ACCSL: variants seen among roughly 807,000 people sequenced by gnomAD.
ACCSL encodes probable inactive 1-aminocyclopropane-1-carboxylate synthase-like protein 2.
A neutral mutation model predicts 61.7 loss-of-function variants in ACCSL; 55 were observed. The ratio of observed to expected loss-of-function variants is 0.89; its 90% CI spans 0.72 to 1.12. The LOEUF is 1.12. Ranked by LOEUF, ACCSL falls within the 50% of genes most tolerant of loss-of-function variation. ACCSL has a pLI of 0.00. For missense variants in ACCSL, 632 were observed against 698.0 expected (o/e 0.91, Z 1.07); for synonymous variants, 258 against 264.3 (o/e 0.98, Z 0.23).
chr11:43,930,065 G>A, the ACCSL span, among the ~76,000 whole-genome samples: 1 of 152,212 alleles, frequency 6.6e-6, no homozygotes, highest in South Asian at 2.1e-4. Context: ...AGCCCTGAGA[G>A]GAAGGCACTC....
At chr11:44,030,551 A>G in the ACCSL span, among the ~76,000 whole-genome samples, 1 of 145,966 alleles carries the variant, frequency 6.9e-6, no homozygotes, top group Non-Finnish European at 1.5e-5. Context: ...TCATGGGGAA[A>G]GAATCCAGGG....
At chr11:44,005,155 G>A in the ACCSL span, among the ~76,000 whole-genome samples, 1 of 151,408 alleles carries the variant, frequency 6.6e-6, no homozygotes, top group Non-Finnish European at 1.5e-5. Context: ...AGGGGTGAGG[G>A]GAACTGTTTC....
At chr11:43,955,763 T>C in the ACCSL span, among the ~76,000 whole-genome samples, 2 of 152,046 alleles carry the variant, frequency 1.3e-5, no homozygotes, top group Non-Finnish European at 2.9e-5. Context: ...TTGCAAATCT[T>C]GTTACCTCTG....
At chr11:44,047,862 C>T, upstream of ACCSL, 1 of 792,286 alleles carries the variant, frequency 1.3e-6, no homozygotes, top group African/African-American at 1.7e-5. Flanking sequence ...CTTCATGAAC[C>T]AATCTGGTCA....
chr11:43,951,018 C>G, the ACCSL span, among the ~76,000 whole-genome samples: 1 of 152,186 alleles, frequency 6.6e-6, no homozygotes, highest in Non-Finnish European at 1.5e-5. Context: ...GTTGAAGACC[C>G]TTGTTATCCC....
At chr11:44,042,137 A>G in the ACCSL span, among the ~76,000 whole-genome samples, 1 of 152,204 alleles carries the variant, frequency 6.6e-6, no homozygotes, top group East Asian at 1.9e-4. Context: ...ATTCATCCAT[A>G]GTTCATTAAA....
At chr11:44,054,773 T>TA (rs955699298) in intron 8 of ACCSL, among the ~76,000 whole-genome samples, 1 of 152,056 alleles carries the variant, frequency 6.6e-6, no homozygotes, top group African/African-American at 2.4e-5. Context: ...TTTCTTCATC[T>TA]AAAATGGAGA....
the ACCSL span, among the ~76,000 whole-genome samples, chr11:43,921,366 C>CA: frequency 3.0e-4 from 45 of 152,206 alleles, no homozygotes; most frequent in African/African-American, 1.0e-3. Context: ...TTTTAAAAAA[C>CA]AAAAAACAAA....
the ACCSL span, chr11:43,933,295 A>T: frequency 3.5e-5 from 14 of 394,742 alleles, no homozygotes; most frequent in Non-Finnish European, 7.1e-5. Flanking sequence ...CCCTGTCCAC[A>T]TATGAGGGAG....
At chr11:43,931,925 C>T in the ACCSL span, among the ~76,000 whole-genome samples, 1 of 148,882 alleles carries the variant, frequency 6.7e-6, no homozygotes, top group African/African-American at 2.4e-5. Flanking sequence ...GTGCAGAGCC[C>T]AGTGCAGCAG....
At chr11:43,942,032 G>T in the ACCSL span, among the ~76,000 whole-genome samples, 2 of 18,980 alleles carry the variant, frequency 1.1e-4, no homozygotes, top group African/African-American at 3.3e-4. Context: ...GTTTGCATTC[G>T]TGCGTGTGTG....
chr11:44,056,422 C>G (rs1952672251), intron 11 of ACCSL, 96 bp downstream of exon 11: 1 of 1,420,570 alleles, frequency 7.0e-7, no homozygotes, highest in Non-Finnish European at 9.4e-7. Context: ...CCTTAATATA[C>G]TGAGACCCTA....
chr11:44,006,148 G>A, the ACCSL span, among the ~76,000 whole-genome samples: 1 of 152,210 alleles, frequency 6.6e-6, no homozygotes, highest in Admixed American at 6.5e-5. Context: ...CCCAGGAGGG[G>A]TGACTGTGTG....
chr11:43,925,345 G>A, the ACCSL span: 1 of 456,016 alleles, frequency 2.2e-6, no homozygotes, highest in South Asian at 1.5e-5. Flanking sequence ...AGGGAACATG[G>A]GAAACAAGCA....
chr11:43,944,016 C>T, the ACCSL span: 1 of 508,796 alleles, frequency 2.0e-6, no homozygotes, highest in Non-Finnish European at 3.1e-6. Flanking sequence ...GCTTCGGTCA[C>T]CGGAACGAGG....
chr11:44,053,096 G>A (rs1952650054), intron 7 of ACCSL, 28 bp downstream of exon 7: 1 of 1,579,170 alleles, frequency 6.3e-7, no homozygotes, highest in African/African-American at 1.3e-5. Context: ...TTTTTAGGAT[G>A]GCCACTGCTG....
At chr11:44,045,961 C>T (rs1301291911), upstream of ACCSL, among the ~76,000 whole-genome samples, 2 of 152,120 alleles carry the variant, frequency 1.3e-5, no homozygotes, top group Admixed American at 6.5e-5. Context: ...GTTACCACCC[C>T]GATCTTGGCT....
chr11:43,997,359 T>C, the ACCSL span, among the ~76,000 whole-genome samples: 1 of 152,284 alleles, frequency 6.6e-6, no homozygotes, highest in Non-Finnish European at 1.5e-5. Context: ...TTCTTCCGGC[T>C]TCCTCCTGCC....
At chr11:43,961,717 T>TC in the ACCSL span, among the ~76,000 whole-genome samples, 2 of 93,066 alleles carry the variant, frequency 2.1e-5, no homozygotes, top group Non-Finnish European at 5.3e-5. Context: ...CTCTCTCTCT[T>TC]TCTCTTTCTC....
Sources: allele counts gnomAD v4.1 joint callset (sites outside exome capture counted in the v4.1 genomes callset), GRCh38; gene constraint gnomAD v4.1.1; transcripts MANE v1.5; gene names NCBI Gene and HGNC (gene_info 2026-07-23, HGNC 2026-07-21).